ZNF385C: variants seen among roughly 807,000 people sequenced by gnomAD.
ZNF385C encodes the protein zinc finger protein 385C.
ZNF385C carries 28 observed loss-of-function variants against 35.4 expected under a neutral mutation model. The ratio of observed to expected loss-of-function variants is 0.79; its 90% confidence interval spans 0.59 to 1.08. The LOEUF (loss-of-function observed/expected upper bound fraction) is 1.08, where lower values mean the gene tolerates loss of function less well. ZNF385C is among the 50% of genes least tolerant of loss of function. The pLI is 0.00. For synonymous variants in ZNF385C, 248 were observed against 248.2 expected (o/e 1.00, Z 0.01); for missense variants, 605 against 595.6 (o/e 1.02, Z -0.16).
At chr17:42,075,762 G>A (rs1555659224) in intron 1 of ZNF385C, among the ~76,000 whole-genome samples, 2 of 152,166 alleles carry the variant, frequency 1.3e-5, no homozygotes, top group Non-Finnish European at 2.9e-5. Context: ...TCAAAGTGCT[G>A]GGATTACAGG....
intron 2 of ZNF385C, chr17:42,040,045 A>G: frequency 8.1e-7 from 1 of 1,231,056 alleles, no homozygotes. Flanking sequence ...GCGCTTAAAC[A>G]GCGCGAAGTC....
At chr17:42,027,187 C>A in intron 8 of ZNF385C, 54 bp from the exon 9 acceptor site, 1 of 1,529,810 alleles carries the variant, frequency 6.5e-7, no homozygotes, top group South Asian at 1.1e-5. Flanking sequence ...AACCCCACCC[C>A]CTCCCTGGGG....
At chr17:42,055,056 C>G (rs1323716426) in intron 2 of ZNF385C, among the ~76,000 whole-genome samples, 1 of 152,122 alleles carries the variant, frequency 6.6e-6, no homozygotes, top group African/African-American at 2.4e-5. Flanking sequence ...GCAGCCAGCC[C>G]ACAGCTGGAT....
chr17:42,058,976 G>A (rs1436734277), intron 2 of ZNF385C, among the ~76,000 whole-genome samples: 1 of 152,240 alleles, frequency 6.6e-6, no homozygotes, highest in African/African-American at 2.4e-5. Context: ...GCATCTTCTT[G>A]CTGGGGGCCG....
intron 1 of ZNF385C, among the ~76,000 whole-genome samples, chr17:42,083,208 G>GTT (rs1169797704): frequency 2.1e-5 from 3 of 144,824 alleles, no homozygotes; most frequent in African/African-American, 2.5e-5. Flanking sequence ...ATGTTTTTTT[G>GTT]TTTTTTTTTT....
At chr17:42,086,907 C>A (rs1429204772) in intron 1 of ZNF385C, among the ~76,000 whole-genome samples, 2 of 148,622 alleles carry the variant, frequency 1.3e-5, no homozygotes, top group Non-Finnish European at 3.0e-5. Context: ...TGGCTCACTG[C>A]AACCTCCACC....
At chr17:42,083,705 G>GTTTTTTTTTTTTT (rs1360873738) in intron 1 of ZNF385C, among the ~76,000 whole-genome samples, 1 of 58,308 alleles carries the variant, frequency 1.7e-5, no homozygotes, top group African/African-American at 7.2e-5. Context: ...TGCTTTTCAA[G>GTTTTTTTTTTTTT]TCTTTTTTTT....
At chr17:42,031,566 CGGAAACCAGATTTG>C in intron 5 of ZNF385C, 39 bp downstream of exon 5, 1 of 1,515,406 alleles carries the variant, frequency 6.6e-7, no homozygotes, top group Non-Finnish European at 8.9e-7. Flanking sequence ...AACCCCTTGT[CGGAAACCAGATTTG>C]GAGTGGAGAC....
At chr17:42,040,610 G>A in intron 2 of ZNF385C, 1 of 1,232,390 alleles carries the variant, frequency 8.1e-7, no homozygotes, top group Non-Finnish European at 1.0e-6. Context: ...GCAGCCTCCA[G>A]GGTGGGCACC....
intron 2 of ZNF385C, among the ~76,000 whole-genome samples, chr17:42,051,891 G>A (rs1246582104): frequency 1.3e-5 from 2 of 152,074 alleles, no homozygotes; most frequent in Non-Finnish European, 2.9e-5. Flanking sequence ...CAGCCCCAGA[G>A]CTGCTGGGAT....
chr17:42,079,382 CAAA>C (rs571676432), intron 1 of ZNF385C, among the ~76,000 whole-genome samples: 30 of 74,072 alleles, frequency 4.1e-4, no homozygotes, highest in African/African-American at 4.2e-4. Flanking sequence ...GACTCTGTCT[CAAA>C]AAAAAAAAAA....
intron 1 of ZNF385C, among the ~76,000 whole-genome samples, chr17:42,081,256 G>A (rs1212490079): frequency 3.3e-5 from 5 of 152,146 alleles, no homozygotes; most frequent in African/African-American, 7.2e-5. Context: ...CACTCAGGAG[G>A]GGCCCCTCTG....
At chr17:42,044,303 G>A (rs2053099375) in intron 2 of ZNF385C, among the ~76,000 whole-genome samples, 1 of 77,782 alleles carries the variant, frequency 1.3e-5, no homozygotes, top group Non-Finnish European at 2.4e-5. Context: ...GCTAGACCCT[G>A]TCTCAAAAAA....
At chr17:42,078,349 G>A (rs530928705) in intron 1 of ZNF385C, among the ~76,000 whole-genome samples, 3 of 152,014 alleles carry the variant, frequency 2.0e-5, no homozygotes, top group Non-Finnish European at 4.4e-5. Context: ...CCTGGTCCAG[G>A]TCCTGAGGTA....
chr17:42,082,884 C>G (rs1268269173), intron 1 of ZNF385C, among the ~76,000 whole-genome samples: 3 of 152,100 alleles, frequency 2.0e-5, no homozygotes, highest in Non-Finnish European at 2.9e-5. Flanking sequence ...TTGAGACCAG[C>G]CTGTTCAACA....
intron 2 of ZNF385C, among the ~76,000 whole-genome samples, chr17:42,043,912 T>G (rs1460397602): frequency 1.3e-5 from 2 of 151,748 alleles, no homozygotes; most frequent in African/African-American, 4.8e-5. Context: ...CAGGTAGTGG[T>G]TCTCAGGGCC....
chr17:42,040,418 G>A (rs2052989407), intron 2 of ZNF385C: 2 of 1,231,968 alleles, frequency 1.6e-6, no homozygotes, highest in Admixed American at 4.2e-5. Context: ...TGAGCTTGGA[G>A]GGAGGCCGCA....
intron 1 of ZNF385C, among the ~76,000 whole-genome samples, chr17:42,098,091 C>T (rs1458391537): frequency 6.6e-6 from 1 of 152,198 alleles, no homozygotes. Context: ...TTCCTTACTC[C>T]GGACCCCCGT....
chr17:42,080,604 T>C (rs550259618), intron 1 of ZNF385C, among the ~76,000 whole-genome samples: 2 of 152,206 alleles, frequency 1.3e-5, no homozygotes, highest in East Asian at 3.9e-4. Flanking sequence ...CTGAGGGAGA[T>C]GGTGGGGTAT....
Sources: gnomAD v4.1 joint callset for allele counts (sites outside exome capture counted in the v4.1 genomes callset) on GRCh38, gnomAD v4.1.1 for gene constraint, MANE v1.5 for transcripts, NCBI Gene and HGNC (gene_info 2026-07-23, HGNC 2026-07-21) for gene names.